The following CNTN6 variants were observed in gnomAD, a reference collection of about 807,000 sequenced individuals.
CNTN6 encodes contactin 6, also known as contactin-6.
In CNTN6, 137 loss-of-function variants were observed where a neutral mutation model predicts 122.8. That is an observed-to-expected ratio of 1.12 (90% CI 0.97 to 1.29). CNTN6 has a LOEUF of 1.29. Ranked by LOEUF, CNTN6 falls within the 50% of genes most tolerant of loss-of-function variation. The pLI is 0.00. For synonymous variants in CNTN6, 570 were observed against 426.0 expected (o/e 1.34, Z -4.16); for missense variants, 1,634 against 1,223.4 (o/e 1.34, Z -5.01).
At chr3:1,109,529 C>G (rs2091380227) in intron 1 of CNTN6, among the ~76,000 whole-genome samples, 1 of 151,926 alleles carries the variant, frequency 6.6e-6, no homozygotes, top group Non-Finnish European at 1.5e-5. Context: ...TAACTCTAAA[C>G]AGAGCCAGTA....
At chr3:1,119,745 A>G (rs2091881576) in intron 1 of CNTN6, among the ~76,000 whole-genome samples, 2 of 152,068 alleles carry the variant, frequency 1.3e-5, no homozygotes, top group South Asian at 2.1e-4. Context: ...TAACTCACAT[A>G]TAACAAAATG....
At chr3:1,220,876 A>G in intron 3 of CNTN6, 63 bp downstream of exon 3, 1 of 1,493,632 alleles carries the variant, frequency 6.7e-7, no homozygotes, top group East Asian at 2.3e-5. Context: ...AAACATACAC[A>G]AAATAAAGTG....
intron 2 of CNTN6, among the ~76,000 whole-genome samples, chr3:1,210,036 G>T (rs1271830600): frequency 7.9e-5 from 12 of 151,982 alleles, no homozygotes; most frequent in African/African-American, 2.9e-4. Flanking sequence ...CTTTATTTTT[G>T]AACATAGCTG....
In CNTN6 at chr3:1,168,795, A is replaced by T. The variant is rs117309946; in HGVS notation, c.55+20732A>T. 2.4e-3 allele frequency among the ~76,000 whole-genome samples: 371 copies of T among 152,268 alleles called. 9 individuals are homozygous for T. The East Asian group carries it at 0.025, about 10-fold the overall frequency. On this transcript the variant is annotated intron_variant, in intron 2 of 22. Transcript: ENST00000446702. ...TAAGCACAGAGCAATTTCTAGGCTT[A>T]GTGGAGTTAATGATGAGCAAAAAAA...
intron 19 of CNTN6, among the ~76,000 whole-genome samples, chr3:1,385,086 C>A (rs1445056158): frequency 6.6e-6 from 1 of 151,948 alleles, no homozygotes; most frequent in Admixed American, 6.6e-5. Context: ...TGGATTCTAA[C>A]CTCTTAGCTA....
At chr3:1,217,023 C>T (rs1427582867) in intron 2 of CNTN6, among the ~76,000 whole-genome samples, 1 of 152,152 alleles carries the variant, frequency 6.6e-6, no homozygotes, top group African/African-American at 2.4e-5. Context: ...TATATCTACT[C>T]ATTGTGAGGC....
intron 1 of CNTN6, among the ~76,000 whole-genome samples, chr3:1,098,587 C>T (rs867993442): frequency 4.0e-5 from 6 of 151,146 alleles, no homozygotes; most frequent in Middle Eastern, 3.4e-3. Flanking sequence ...TCCTTCTGGC[C>T]ACCATTATAC....
chr3:1,129,893 G>A (rs991983716), intron 1 of CNTN6, among the ~76,000 whole-genome samples: 3 of 151,894 alleles, frequency 2.0e-5, no homozygotes, highest in Non-Finnish European at 1.5e-5. Context: ...AAAATAGTTT[G>A]TTTTTTAAAA....
At chr3:1,341,810 C>G (rs1208658174) in intron 11 of CNTN6, among the ~76,000 whole-genome samples, 2 of 152,096 alleles carry the variant, frequency 1.3e-5, no homozygotes, top group Non-Finnish European at 2.9e-5. Flanking sequence ...TTTGTTCACT[C>G]CAGTAATTAC....
intron 4 of CNTN6, among the ~76,000 whole-genome samples, chr3:1,268,346 G>T (rs5025266): frequency 0.45 from 67,792 of 151,592 alleles, 16,054 homozygotes; most frequent in East Asian, 0.82. Context: ...GGTGGCTCAC[G>T]CTTGTAATCC....
At chr3:1,338,321 T>C (rs1275173697) in intron 11 of CNTN6, among the ~76,000 whole-genome samples, 1 of 152,148 alleles carries the variant, frequency 6.6e-6, no homozygotes. Flanking sequence ...CATAAGAATC[T>C]TGTGAAAAAT....
At chr3:1,187,267 C>G (rs143136170) in intron 2 of CNTN6, among the ~76,000 whole-genome samples, 2 of 151,658 alleles carry the variant, frequency 1.3e-5, no homozygotes, top group African/African-American at 2.4e-5. Flanking sequence ...CCAGTTCTAT[C>G]CATACATACT....
chr3:1,288,349 T>C (rs1044134065), intron 5 of CNTN6, among the ~76,000 whole-genome samples: 1 of 152,220 alleles, frequency 6.6e-6, no homozygotes, highest in African/African-American at 2.4e-5. Context: ...TTAGGCACGT[T>C]TCTGGATTAC....
intron 2 of CNTN6, among the ~76,000 whole-genome samples, chr3:1,152,816 C>A (rs9883743): frequency 0.043 from 6,499 of 152,182 alleles, 434 homozygotes; most frequent in African/African-American, 0.15. Context: ...AGAGATAGCA[C>A]AATTTTATCT....
chr3:1,243,114 A>C (rs1446250986), intron 4 of CNTN6, among the ~76,000 whole-genome samples: 7 of 152,156 alleles, frequency 4.6e-5, no homozygotes, highest in African/African-American at 1.7e-4. Context: ...TCAGTCAGAG[A>C]GCCTTGGGCC....
intron 4 of CNTN6, among the ~76,000 whole-genome samples, chr3:1,275,499 T>G (rs1692174292): frequency 6.6e-6 from 1 of 152,118 alleles, no homozygotes; most frequent in African/African-American, 2.4e-5. Context: ...AATATGGAGA[T>G]TTTCAAGGTT....
rs147388217 is a variant in CNTN6, at chr3:1,218,270, C to T, written c.56-2417C>T. ...AGGGGAGGGTGTTGAAGGCAGAAGC[C>T]TGGAGTCTGGTGTTGGAGCCAAGGA... On this transcript the variant is annotated intron_variant, in intron 2 of 22. Transcript: ENST00000446702. Among the ~76,000 whole-genome samples the T allele has an allele frequency of 2.4e-3, 362 of 152,052 alleles. 1 individual carries two copies. The highest frequency in any genetic ancestry group is 8.1e-3 in the African/African-American group (334 of 41,474).
intron 2 of CNTN6, among the ~76,000 whole-genome samples, chr3:1,200,760 A>G (rs759636887): frequency 1.7e-4 from 26 of 152,086 alleles, no homozygotes; most frequent in African/African-American, 4.1e-4. Flanking sequence ...GGAGGCTCAA[A>G]ATAACTTCAT....
At chr3:1,369,608 G>A (rs1708707178) in intron 12 of CNTN6, among the ~76,000 whole-genome samples, 1 of 152,048 alleles carries the variant, frequency 6.6e-6, no homozygotes, top group South Asian at 2.1e-4. Context: ...GTCCAACTTT[G>A]CCACTATGTG....
Sources: allele counts gnomAD v4.1 joint callset (sites outside exome capture counted in the v4.1 genomes callset), GRCh38; gene constraint gnomAD v4.1.1; transcripts MANE v1.5; gene names NCBI Gene and HGNC (gene_info 2026-07-23, HGNC 2026-07-21).